CAMK1G: variants seen among roughly 807,000 people sequenced by gnomAD.
CAMK1G encodes the protein calcium/calmodulin-dependent protein kinase type 1G.
A neutral mutation model predicts 54.8 loss-of-function variants in CAMK1G; 27 were observed. The observed-to-expected ratio is 0.49, with a 90% CI of 0.36 to 0.68. The LOEUF is 0.68. Among genes scored for constraint, CAMK1G ranks in the 30% least tolerant of loss-of-function variants. CAMK1G has a pLI of 0.00. For missense variants in CAMK1G, 512 were observed against 591.0 expected (o/e 0.87, Z 1.39); for synonymous variants, 238 against 224.9 (o/e 1.06, Z -0.52).
intron 1 of CAMK1G, among the ~76,000 whole-genome samples, chr1:209,586,655 T>C (rs897630608): frequency 1.3e-5 from 2 of 152,116 alleles, no homozygotes; most frequent in Admixed American, 6.5e-5. Context: ...ACTTTAGAGG[T>C]TGCAAACTGC....
At chr1:209,609,972 T>C (rs1665742597) in intron 9 of CAMK1G, 43 bp downstream of exon 9, 1 of 1,497,718 alleles carries the variant, frequency 6.7e-7, no homozygotes, top group South Asian at 1.1e-5. Flanking sequence ...AGCCCTGTAG[T>C]TCCCAAAACC....
chr1:209,613,180 T>G lies in CAMK1G; in HGVS notation c.*178T>G. On this transcript the variant is annotated 3_prime_UTR_variant, in exon 13 of 13. Transcript: ENST00000361322. ...CTGCTGCCAGCGGGGCAGCCCCTCA[T>G]AGGAGGCCCAGGAGGGAGCCCCAAG... 1 of 321,944 alleles carries G rather than the reference T, an allele frequency of 3.1e-6. No homozygotes were observed. Among genetic ancestry groups the G allele is most frequent in the African/African-American group, 2.1e-5 (1 of 47,706 alleles). The allele number at this position is 321,944 out of a possible 1,614,324, so 19.9% of individuals were successfully genotyped here. A position where few individuals can be genotyped will look rare whatever the true frequency, so the allele number is the denominator to read the frequency against.
At chr1:209,600,586 G>C (rs1227304253) in intron 3 of CAMK1G, among the ~76,000 whole-genome samples, 4 of 152,216 alleles carry the variant, frequency 2.6e-5, no homozygotes, top group Non-Finnish European at 5.9e-5. Context: ...TGTACCAAAA[G>C]TGTATTAGGC....
chr1:209,591,105 T>C (rs551365206), intron 1 of CAMK1G, among the ~76,000 whole-genome samples: 1 of 150,988 alleles, frequency 6.6e-6, no homozygotes, highest in Non-Finnish European at 1.5e-5. Flanking sequence ...TATTCTATCT[T>C]CCTCAGAGAG....
intron 4 of CAMK1G, among the ~76,000 whole-genome samples, chr1:209,603,492 C>T (rs1005782260): frequency 1.3e-5 from 2 of 152,032 alleles, no homozygotes; most frequent in Admixed American, 6.5e-5. Context: ...ACAGGGTAAA[C>T]CTGGGCTGAT....
At chr1:209,587,327 A>T (rs1381777761) in intron 1 of CAMK1G, among the ~76,000 whole-genome samples, 1 of 152,142 alleles carries the variant, frequency 6.6e-6, no homozygotes, top group Non-Finnish European at 1.5e-5. Flanking sequence ...GAAGAATTAC[A>T]AAGCATTAGA....
intron 1 of CAMK1G, among the ~76,000 whole-genome samples, chr1:209,590,594 C>T (rs1036993194): frequency 6.6e-6 from 1 of 152,152 alleles, no homozygotes; most frequent in African/African-American, 2.4e-5. Flanking sequence ...GGTGCAGCCT[C>T]CTGGAGAACA....
rs941904876 is a variant in CAMK1G, at chr1:209,612,170, T to C, written c.1294T>C (p.Ser432Pro). ...CLNIGSKGKS[S>P]YCSEPTLLKK... ...GAACATTGGGAGCAAAGGAAAGTCC[T>C]CCTACTGCTCTGAGCCCACACTCCT... Residue 432 changes from serine to proline, a missense_variant, in exon 11 of 13, where the codon TCC becomes CCC. Ser to Pro is a moderately conservative substitution (Grantham distance 74, BLOSUM62 -1). Coordinates refer to ENST00000361322, the MANE Select transcript of CAMK1G (RefSeq NM_020439.3). The C allele has an allele frequency of 6.2e-7, 1 of 1,614,040 alleles. No homozygotes were observed. Among genetic ancestry groups the C allele is most frequent in the African/African-American group, 1.3e-5 (1 of 74,948 alleles).
At chr1:209,598,797 A>T (rs1257396234) in intron 2 of CAMK1G, among the ~76,000 whole-genome samples, 1 of 152,200 alleles carries the variant, frequency 6.6e-6, no homozygotes, top group Non-Finnish European at 1.5e-5. Flanking sequence ...TCAAACTTAG[A>T]AAAACGTTTC....
intron 5 of CAMK1G, among the ~76,000 whole-genome samples, chr1:209,605,999 A>C (rs959431674): frequency 2.6e-5 from 4 of 152,312 alleles, no homozygotes; most frequent in African/African-American, 9.6e-5. Context: ...CTTGCACTGG[A>C]CTCTGGAGAG....
At chr1:209,607,495 G>A (rs999012886) in intron 6 of CAMK1G, among the ~76,000 whole-genome samples, 2 of 152,164 alleles carry the variant, frequency 1.3e-5, no homozygotes, top group Admixed American at 6.5e-5. Flanking sequence ...AGTCTGAAGG[G>A]AGAGAGATCA....
intron 1 of CAMK1G, among the ~76,000 whole-genome samples, chr1:209,586,498 G>A (rs938332620): frequency 6.6e-6 from 1 of 152,082 alleles, no homozygotes; most frequent in African/African-American, 2.4e-5. Context: ...TGAAAGGCAC[G>A]TGGGAGCTGG....
intron 3 of CAMK1G, among the ~76,000 whole-genome samples, chr1:209,602,635 T>C (rs1665558031): frequency 6.6e-6 from 1 of 152,240 alleles, no homozygotes; most frequent in African/African-American, 2.4e-5. Flanking sequence ...AAGCTTTATT[T>C]CATGCACAAA....
chr1:209,608,953 G>A, intron 7 of CAMK1G, 27 bp from the exon 8 acceptor site: 2 of 1,613,440 alleles, frequency 1.2e-6, no homozygotes, highest in Non-Finnish European at 1.7e-6. Context: ...TTGTTCAGTA[G>A]TATGCCTCCT....
At chr1:209,604,906 A>G (rs1236836555) in intron 4 of CAMK1G, among the ~76,000 whole-genome samples, 1 of 152,172 alleles carries the variant, frequency 6.6e-6, no homozygotes, top group African/African-American at 2.4e-5. Flanking sequence ...TCTGACACTT[A>G]TGTGTTCTAG....
At chr1:209,611,713 C>A in intron 10 of CAMK1G, 79 bp from the exon 11 acceptor site, 1 of 1,552,008 alleles carries the variant, frequency 6.4e-7, no homozygotes, top group Non-Finnish European at 8.7e-7. Context: ...TTCAAGAGGC[C>A]ACAAGGCAAA....
chr1:209,597,631 G>C (rs1403390569), intron 2 of CAMK1G, among the ~76,000 whole-genome samples: 1 of 152,226 alleles, frequency 6.6e-6, no homozygotes, highest in Non-Finnish European at 1.5e-5. Context: ...TAAGTGAATG[G>C]ATGAATAGAG....
chr1:209,595,008 T>G lies in CAMK1G; in HGVS notation c.25T>G (p.Cys9Gly), dbSNP rs576418443. The G allele has an allele frequency of 2.3e-5, 37 of 1,614,124 alleles. No homozygotes were observed. The South Asian group carries it at 3.3e-4, about 14-fold the overall frequency. ...AATGGGTCGAAAGGAAGAAGATGACTGCAGTTCCTGGAAGAAACAGACCAC... is the reference window on the plus strand; with the variant it reads ...AATGGGTCGAAAGGAAGAAGATGACGGCAGTTCCTGGAAGAAACAGACCAC... The part of the protein sequence containing the change: MGRKEEDD[C>G]SSWKKQTTNI... Residue 9 changes from cysteine to glycine, a missense_variant, in exon 2 of 13, where the codon TGC (cysteine) becomes GGC (glycine). By Grantham distance (159) the Cys-to-Gly change is radical. Coordinates refer to ENST00000361322, the MANE Select transcript of CAMK1G (RefSeq NM_020439.3).
At chr1:209,611,324 T>C in intron 9 of CAMK1G, 141 bp from the exon 10 acceptor site, 2 of 710,762 alleles carry the variant, frequency 2.8e-6, no homozygotes, top group East Asian at 2.7e-5. Context: ...GGAGACCTGC[T>C]TGCAGCCCTT....
Sources: allele counts gnomAD v4.1 joint callset (sites outside exome capture counted in the v4.1 genomes callset), GRCh38; gene constraint gnomAD v4.1.1; transcripts MANE v1.5; gene names NCBI Gene and HGNC (gene_info 2026-07-23, HGNC 2026-07-21).